GRIN2B: variants seen among roughly 807,000 people sequenced by gnomAD.
GRIN2B encodes the protein glutamate ionotropic receptor NMDA type subunit 2B.
Under a neutral mutation model 114.5 loss-of-function variants are expected in GRIN2B, and 5 were observed. The observed-to-expected ratio is 0.04, with a 90% CI of 0.02 to 0.09. The LOEUF is 0.09. Among genes scored for constraint, GRIN2B ranks in the 10% least tolerant of loss-of-function variants. The pLI is 1.00. For missense variants in GRIN2B, 1,108 were observed against 1,943.5 expected (o/e 0.57, Z 8.08); for synonymous variants, 787 against 745.1 (o/e 1.06, Z -0.92).
intron 2 of GRIN2B, among the ~76,000 whole-genome samples, chr12:13,960,717 G>C (rs1406566762): frequency 6.6e-6 from 1 of 152,216 alleles, no homozygotes; most frequent in East Asian, 1.9e-4. Flanking sequence ...AGAGAAAACA[G>C]AACTTCCTGA....
intron 3 of GRIN2B, among the ~76,000 whole-genome samples, chr12:13,807,479 T>C (rs1283377050): frequency 6.6e-6 from 1 of 151,936 alleles, no homozygotes; most frequent in African/African-American, 2.4e-5. Context: ...TCACCTTGCC[T>C]CCCCTCTTCT....
intron 4 of GRIN2B, among the ~76,000 whole-genome samples, chr12:13,722,477 G>A (rs1451884156): frequency 6.6e-6 from 1 of 152,118 alleles, no homozygotes; most frequent in East Asian, 1.9e-4. Flanking sequence ...TTCATCCACA[G>A]TAGCCAGAGT....
chr12:13,791,060 G>A (rs948374273), intron 3 of GRIN2B, among the ~76,000 whole-genome samples: 4 of 152,142 alleles, frequency 2.6e-5, no homozygotes, highest in Non-Finnish European at 5.9e-5. Flanking sequence ...CCTCAGGGTG[G>A]CCTTCACCTA....
At chr12:13,573,559 CTCTCT>C (rs1948733951) in intron 10 of GRIN2B, among the ~76,000 whole-genome samples, 1 of 125,756 alleles carries the variant, frequency 8.0e-6, no homozygotes, top group Non-Finnish European at 1.8e-5. Context: ...AGTAAACCCA[CTCTCT>C]AAGCTTCTTA....
intron 2 of GRIN2B, among the ~76,000 whole-genome samples, chr12:13,909,787 C>A (rs1005407294): frequency 6.6e-6 from 1 of 152,166 alleles, no homozygotes; most frequent in Non-Finnish European, 1.5e-5. Flanking sequence ...TGCTGTAAAT[C>A]ACAGACAAAT....
At chr12:13,961,058 G>A (rs1209269612) in intron 2 of GRIN2B, among the ~76,000 whole-genome samples, 1 of 151,952 alleles carries the variant, frequency 6.6e-6, no homozygotes, top group Admixed American at 6.6e-5. Flanking sequence ...GTGATGATGG[G>A]CTCTGGAAGA....
chr12:13,782,788 T>A (rs1291929167), intron 3 of GRIN2B, among the ~76,000 whole-genome samples: 1 of 152,176 alleles, frequency 6.6e-6, no homozygotes, highest in Non-Finnish European at 1.5e-5. Context: ...CCCATCACAC[T>A]CCTTGCCTCA....
At chr12:13,714,821 T>C (rs1950441831) in intron 4 of GRIN2B, among the ~76,000 whole-genome samples, 1 of 151,928 alleles carries the variant, frequency 6.6e-6, no homozygotes, top group Non-Finnish European at 1.5e-5. Context: ...AGTTAGGGCT[T>C]TTAGGGTATC....
chr12:13,969,833 G>C (rs1012615306), intron 2 of GRIN2B, among the ~76,000 whole-genome samples: 1 of 152,154 alleles, frequency 6.6e-6, no homozygotes, highest in Non-Finnish European at 1.5e-5. Flanking sequence ...CTTTGTAAAT[G>C]GGTACATAAT....
At chr12:13,837,451 G>T (rs1205644996) in intron 3 of GRIN2B, among the ~76,000 whole-genome samples, 2 of 152,188 alleles carry the variant, frequency 1.3e-5, no homozygotes, top group African/African-American at 2.4e-5. Flanking sequence ...CATGGTGCCT[G>T]GCCCATTTGC....
At chr12:13,700,306 AC>A (rs1950299295) in intron 4 of GRIN2B, among the ~76,000 whole-genome samples, 1 of 152,158 alleles carries the variant, frequency 6.6e-6, no homozygotes, top group Non-Finnish European at 1.5e-5. Flanking sequence ...GAATTTTTCT[AC>A]TACAATGAGA....
chr12:13,888,792 TAAA>T lies in GRIN2B; in HGVS notation c.-18-22569_-18-22567del, dbSNP rs34962020. Among the ~76,000 whole-genome samples, 1,339 of 147,254 alleles carry T rather than the reference TAAA, an allele frequency of 9.1e-3. 12 individuals are homozygous for T. The highest frequency in any genetic ancestry group is 0.013 in the Non-Finnish European group (899 of 67,084). On this transcript the variant is annotated intron_variant, in intron 2 of 13. Coordinates refer to ENST00000609686, the MANE Select transcript of GRIN2B (RefSeq NM_000834.5). The stretch of plus-strand genomic sequence containing the variant: ...AGATTTTTTAAAACGGTATAAAAGA[TAAA>T]AAAAAAAAAATGGTATAGGGCACTT...
At chr12:13,804,231 C>T (rs1591741293) in intron 3 of GRIN2B, among the ~76,000 whole-genome samples, 1 of 100,530 alleles carries the variant, frequency 9.9e-6, no homozygotes, top group South Asian at 2.8e-4. Context: ...CCTCTGTGGA[C>T]TGTTTTTTTT....
chr12:13,969,836 T>C (rs1867846456), intron 2 of GRIN2B, among the ~76,000 whole-genome samples: 1 of 152,170 alleles, frequency 6.6e-6, no homozygotes, highest in Non-Finnish European at 1.5e-5. Context: ...TGTAAATGGG[T>C]ACATAATAAA....
chr12:13,654,003 C>T (rs569681580), intron 5 of GRIN2B, among the ~76,000 whole-genome samples: 26 of 152,248 alleles, frequency 1.7e-4, no homozygotes, highest in African/African-American at 6.0e-4. Flanking sequence ...TGTTATGCAA[C>T]TCTGCTACCT....
At chr12:13,605,633 TAATG>T (rs1327085977) in intron 10 of GRIN2B, among the ~76,000 whole-genome samples, 1 of 149,520 alleles carries the variant, frequency 6.7e-6, no homozygotes, top group Non-Finnish European at 1.5e-5. Flanking sequence ...TTTTAGAACA[TAATG>T]AACACGGTAT....
chr12:13,668,868 T>C (rs1174722051), intron 5 of GRIN2B, among the ~76,000 whole-genome samples: 1 of 150,866 alleles, frequency 6.6e-6, no homozygotes, highest in African/African-American at 2.4e-5. Context: ...TGGCTCATGA[T>C]AGGTGCTTAA....
At chr12:13,924,063 CTT>C (rs1216994746) in intron 2 of GRIN2B, among the ~76,000 whole-genome samples, 2 of 152,156 alleles carry the variant, frequency 1.3e-5, no homozygotes, top group Admixed American at 6.5e-5. Flanking sequence ...GAATCTTACT[CTT>C]ATTGTTCTTT....
At chr12:13,658,542 AG>A (rs35351695) in intron 5 of GRIN2B, among the ~76,000 whole-genome samples, 50,720 of 151,854 alleles carry the variant, frequency 0.33, 10,129 homozygotes, top group East Asian at 0.8. Flanking sequence ...CTTACACTTA[AG>A]AAGAGTCTTT....
Sources: allele counts gnomAD v4.1 joint callset (sites outside exome capture counted in the v4.1 genomes callset), GRCh38; gene constraint gnomAD v4.1.1; transcripts MANE v1.5; gene names NCBI Gene and HGNC (gene_info 2026-07-23, HGNC 2026-07-21).